The following AGMO variants were observed in gnomAD, a reference collection of about 807,000 sequenced individuals.
AGMO encodes alkylglycerol monooxygenase.
AGMO carries 75 observed loss-of-function variants against 60.2 expected under a neutral mutation model. The ratio of observed to expected loss-of-function variants is 1.25; its 90% CI spans 1.03 to 1.51. The LOEUF (loss-of-function observed/expected upper bound fraction) is 1.51. AGMO is among the 40% of genes most tolerant of loss of function. The probability of loss-of-function intolerance (pLI) is 0.00; values close to 1 mark genes in which losing one functional copy is unlikely to be tolerated. For missense variants in AGMO, 763 were observed against 525.5 expected (o/e 1.45, Z -4.42); for synonymous variants, 261 against 177.1 (o/e 1.47, Z -3.76).
chr7:15,186,085 T>C, the AGMO span, among the ~76,000 whole-genome samples: 3 of 152,196 alleles, frequency 2.0e-5, no homozygotes, highest in East Asian at 5.8e-4. Context: ...CTTGTCACTC[T>C]CAATACCTTG....
intron 12 of AGMO, among the ~76,000 whole-genome samples, chr7:15,298,481 A>T (rs1784466799): frequency 6.6e-6 from 1 of 152,030 alleles, no homozygotes; most frequent in Non-Finnish European, 1.5e-5. Context: ...TGCAGCCTTG[A>T]CCTCCTGGGC....
At chr7:15,541,698 T>C (rs1291093260) in intron 3 of AGMO, among the ~76,000 whole-genome samples, 1 of 152,016 alleles carries the variant, frequency 6.6e-6, no homozygotes, top group Non-Finnish European at 1.5e-5. Context: ...CTGCTAACTG[T>C]CCCATAACTG....
intron 12 of AGMO, among the ~76,000 whole-genome samples, chr7:15,329,138 T>C (rs1218532929): frequency 6.6e-6 from 1 of 152,184 alleles, no homozygotes; most frequent in Non-Finnish European, 1.5e-5. Flanking sequence ...TACTGTATAT[T>C]TTATTAACTT....
intron 3 of AGMO, among the ~76,000 whole-genome samples, chr7:15,503,341 A>G (rs1783436263): frequency 6.6e-6 from 1 of 152,100 alleles, no homozygotes; most frequent in African/African-American, 2.4e-5. Context: ...GGATGAAAAA[A>G]GATAAATAAA....
intron 12 of AGMO, among the ~76,000 whole-genome samples, chr7:15,223,878 T>C (rs1227386864): frequency 1.3e-5 from 2 of 151,818 alleles, no homozygotes; most frequent in Non-Finnish European, 2.9e-5. Context: ...TATGAATATG[T>C]CAATGTCACA....
chr7:15,464,702 C>T (rs1009885215), intron 3 of AGMO, among the ~76,000 whole-genome samples: 1 of 152,128 alleles, frequency 6.6e-6, no homozygotes, highest in African/African-American at 2.4e-5. Context: ...TGCTTGTAGA[C>T]AAGACAGCAG....
intron 12 of AGMO, among the ~76,000 whole-genome samples, chr7:15,274,695 C>CTTT (rs549793677): frequency 8.1e-5 from 11 of 135,860 alleles, no homozygotes; most frequent in African/African-American, 3.0e-4. Context: ...TGGTGATGGG[C>CTTT]TTTTTTTTTT....
chr7:15,493,008 A>G (rs910860477), intron 3 of AGMO, among the ~76,000 whole-genome samples: 18 of 152,184 alleles, frequency 1.2e-4, no homozygotes, highest in Non-Finnish European at 2.1e-4. Context: ...CAAAGCTGCT[A>G]TAAGCATTTT....
the AGMO span, among the ~76,000 whole-genome samples, chr7:15,139,657 T>C: frequency 2.6e-5 from 4 of 151,896 alleles, no homozygotes; most frequent in Non-Finnish European, 5.9e-5. Context: ...ATTAGAGTTG[T>C]TTAGGGGCAA....
chr7:15,428,030 A>AATGTGAAATGAGC (rs1285858952), intron 4 of AGMO, among the ~76,000 whole-genome samples: 3 of 152,144 alleles, frequency 2.0e-5, no homozygotes, highest in African/African-American at 4.8e-5. Context: ...TTCACATTTC[A>AATGTGAAATGAGC]TTTCACAGAT....
chr7:15,371,643 C>G (rs1388038080), intron 10 of AGMO, among the ~76,000 whole-genome samples: 1 of 152,142 alleles, frequency 6.6e-6, no homozygotes, highest in Non-Finnish European at 1.5e-5. Context: ...GGTGATCTGC[C>G]TGCCCCTGCC....
rs548101197 is a variant in AGMO at position 15,263,713 on chromosome 7, C to A, written c.1264-62354G>T. 6.6e-5 allele frequency among the ~76,000 whole-genome samples: 10 copies of A among 151,910 alleles called. No homozygotes were observed. The East Asian group carries it at 1.7e-3, about 26-fold the overall frequency. ...GAAGGGATAAAGAAATATGGTATAC[C>A]ATGGAACACTACTCAGCCACGAAAA... is the stretch of plus-strand genomic sequence containing the variant. On this transcript the variant is annotated intron_variant, in intron 12 of 12. Transcript: ENST00000342526.
intron 2 of AGMO, among the ~76,000 whole-genome samples, chr7:15,554,704 T>A (rs1216235674): frequency 1.3e-5 from 2 of 152,188 alleles, no homozygotes; most frequent in Non-Finnish European, 2.9e-5. Context: ...TGCTATTTAG[T>A]ATTAATCCTC....
intron 12 of AGMO, among the ~76,000 whole-genome samples, chr7:15,279,470 T>G (rs1477312547): frequency 3.4e-5 from 5 of 147,918 alleles, no homozygotes; most frequent in Admixed American, 2.0e-4. Flanking sequence ...ACACTGGTTG[T>G]TTTTTTTTAT....
chr7:15,492,149 T>C (rs762678765), intron 3 of AGMO, among the ~76,000 whole-genome samples: 5 of 152,160 alleles, frequency 3.3e-5, no homozygotes, highest in Non-Finnish European at 7.4e-5. Context: ...TAGGGAGATA[T>C]GTTTTTTAAT....
the AGMO span, among the ~76,000 whole-genome samples, chr7:15,150,783 C>G: frequency 6.6e-6 from 1 of 151,986 alleles, no homozygotes; most frequent in African/African-American, 2.4e-5. Flanking sequence ...TGTGTCTCTG[C>G]CAGGTTTTGT....
chr7:15,492,476 G>T (rs934446315), intron 3 of AGMO, among the ~76,000 whole-genome samples: 1 of 151,742 alleles, frequency 6.6e-6, no homozygotes, highest in African/African-American at 2.4e-5. Flanking sequence ...TTCTAGAATT[G>T]CAGGTTCCAA....
At chr7:15,372,345 G>A (rs546075435) in intron 10 of AGMO, among the ~76,000 whole-genome samples, 2 of 152,176 alleles carry the variant, frequency 1.3e-5, no homozygotes, top group South Asian at 4.1e-4. Context: ...CAGCTACTTG[G>A]GCAGCTGAGG....
intron 12 of AGMO, among the ~76,000 whole-genome samples, chr7:15,349,100 G>C (rs934428993): frequency 6.6e-6 from 1 of 152,046 alleles, no homozygotes; most frequent in African/African-American, 2.4e-5. Context: ...ACCTTTGGAG[G>C]CCTTTACTAG....
Sources: gnomAD v4.1 joint callset for allele counts (sites outside exome capture counted in the v4.1 genomes callset) on GRCh38, gnomAD v4.1.1 for gene constraint, MANE v1.5 for transcripts, NCBI Gene and HGNC (gene_info 2026-07-23, HGNC 2026-07-21) for gene names.